TMEM123: variants seen among roughly 807,000 people sequenced by gnomAD.
TMEM123 encodes transmembrane protein 123.
Under a neutral mutation model 19.7 loss-of-function variants are expected in TMEM123, and 16 were observed. That is an observed-to-expected ratio of 0.81 (90% CI 0.55 to 1.23). The LOEUF (loss-of-function observed/expected upper bound fraction) is 1.23, where lower values mean the gene tolerates loss of function less well. Among genes scored for constraint, TMEM123 ranks in the 50% most tolerant of loss-of-function variants. The pLI is 0.00. For missense variants in TMEM123, 313 were observed against 257.8 expected (o/e 1.21, Z -1.47); for synonymous variants, 118 against 99.4 (o/e 1.19, Z -1.12).
chr11:102,445,120 C>T (rs13377311), intron 2 of TMEM123, among the ~76,000 whole-genome samples: 12,194 of 151,946 alleles, frequency 0.08, 647 homozygotes, highest in African/African-American at 0.14. Context: ...TGTATACATA[C>T]GTAACAAATC....
At chr11:102,401,268 A>G (rs1382018867) in intron 4 of TMEM123, among the ~76,000 whole-genome samples, 1 of 152,216 alleles carries the variant, frequency 6.6e-6, no homozygotes, top group Non-Finnish European at 1.5e-5. Flanking sequence ...TGAAAATTTC[A>G]GGGTAGGTTA....
chr11:102,452,648 C>A lies in TMEM123; in HGVS notation c.-25G>T. Reference sequence around the variant, plus strand: ...TTGTTCCGAGGGCAGGATGCGGCAGCCTCGTGGGCTCCCAGCCGAGGTGGC... The same window carrying A: ...TTGTTCCGAGGGCAGGATGCGGCAGACTCGTGGGCTCCCAGCCGAGGTGGC... On this transcript the variant is annotated 5_prime_UTR_variant, in exon 1 of 5. Transcript: ENST00000398136. The A allele has an allele frequency of 6.8e-7, 1 of 1,459,858 alleles. No individual in the cohort carries two copies. The highest frequency in any genetic ancestry group is 9.1e-7 in the Non-Finnish European group (1 of 1,100,552). The allele number at this position is 1,459,858 out of a possible 1,614,324, so 90.4% of individuals were successfully genotyped here. A position where few individuals can be genotyped will look rare whatever the true frequency, so the allele number is the denominator to read the frequency against.
At chr11:102,421,094 A>T (rs1952082290) in intron 2 of TMEM123, among the ~76,000 whole-genome samples, 1 of 152,186 alleles carries the variant, frequency 6.6e-6, no homozygotes, top group Admixed American at 6.5e-5. Flanking sequence ...GACTTTAGGC[A>T]GAAAAATAAC....
At chr11:102,427,473 G>C (rs1239968343) in intron 2 of TMEM123, among the ~76,000 whole-genome samples, 2 of 140,696 alleles carry the variant, frequency 1.4e-5, no homozygotes, top group African/African-American at 5.3e-5. Flanking sequence ...TTTGGAGACA[G>C]AGTCTCACTC....
chr11:102,450,941 C>A (rs1857932119), intron 1 of TMEM123, among the ~76,000 whole-genome samples: 1 of 152,118 alleles, frequency 6.6e-6, no homozygotes. Flanking sequence ...CAGTTACTAG[C>A]TTTTTTGAGA....
At position 102,433,015 on chromosome 11, in the gene TMEM123, C is replaced by A. The variant is rs192680634; in HGVS notation, c.157+15797G>T. ...GTATGGAAATGCCTGGAAGTCCAGG[C>A]AGAAGTTTGCTGCAGGTGTGGAGGC... On this transcript the variant is annotated intron_variant, in intron 2 of 4. Coordinates refer to ENST00000398136, the MANE Select transcript of TMEM123 (RefSeq NM_052932.3). Among the ~76,000 whole-genome samples the A allele has an allele frequency of 7.6e-4, 116 of 152,104 alleles. 3 individuals carry two copies. The highest frequency in any genetic ancestry group is 2.5e-3 in the African/African-American group (104 of 41,532).
chr11:102,411,772 T>C (rs1952007179), intron 2 of TMEM123, among the ~76,000 whole-genome samples: 1 of 152,188 alleles, frequency 6.6e-6, no homozygotes, highest in Non-Finnish European at 1.5e-5. Context: ...TCTTTTCAAA[T>C]GAATTAATTG....
chr11:102,444,811 C>T (rs1331137521), intron 2 of TMEM123, among the ~76,000 whole-genome samples: 9 of 151,920 alleles, frequency 5.9e-5, no homozygotes, highest in Admixed American at 5.9e-4. Context: ...AAATGTGGCA[C>T]ATATACACCA....
intron 2 of TMEM123, among the ~76,000 whole-genome samples, chr11:102,428,701 T>C (rs1389721980): frequency 1.3e-5 from 2 of 152,134 alleles, no homozygotes; most frequent in Non-Finnish European, 2.9e-5. Flanking sequence ...GACAATTACT[T>C]TATAAAGCTA....
intron 2 of TMEM123, chr11:102,448,512 G>T: frequency 2.9e-6 from 1 of 345,878 alleles, no homozygotes; most frequent in Non-Finnish European, 5.6e-6. Context: ...ATATCTACAG[G>T]CAAACTACAA....
chr11:102,417,428 A>C (rs1952051335), intron 2 of TMEM123, among the ~76,000 whole-genome samples: 1 of 152,152 alleles, frequency 6.6e-6, no homozygotes, highest in Non-Finnish European at 1.5e-5. Context: ...CAAACATACA[A>C]ATACCTAGGA....
At position 102,448,978 on chromosome 11, in the gene TMEM123, A is replaced by T. The variant is rs1591569579; in HGVS notation, c.101-110T>A. 13 of 1,044,500 alleles carry T rather than the reference A, an allele frequency of 1.2e-5. No homozygotes were observed. In the East Asian group the frequency reaches 3.2e-4, roughly 25 times the overall value. The allele number at this position is 1,044,500 out of a possible 1,614,324, so 64.7% of individuals were successfully genotyped here. On this transcript the variant is annotated intron_variant, in intron 1 of 4. Transcript: ENST00000398136. ...AGGGGTAGTGGTGTCAGGAGGGTAG[A>T]TTATTCCACAGGAAGTTCTACTTTG... is the stretch of plus-strand genomic sequence containing the variant.
chr11:102,418,701 C>T (rs1490015092), intron 2 of TMEM123, among the ~76,000 whole-genome samples: 1 of 152,196 alleles, frequency 6.6e-6, no homozygotes, highest in Non-Finnish European at 1.5e-5. Context: ...GACACATGCA[C>T]ACATACGTTA....
In TMEM123 at chr11:102,452,556, A is replaced by G. The variant is rs1276772020; in HGVS notation, c.68T>C (p.Leu23Pro). The G allele has an allele frequency of 6.4e-6, 10 of 1,569,464 alleles. No homozygotes were observed. The Admixed American group carries it at 1.4e-4, about 22-fold the overall frequency. The change falls in exon 1 of 5, where the codon CTG becomes CCG. Residue 23 changes from leucine to proline, a missense_variant. Coordinates refer to ENST00000398136, the MANE Select transcript of TMEM123 (RefSeq NM_052932.3). ...GGCTGCGCTTTCATGGGCGGCCCCC[A>G]GCAGCGCTAGCACCTGCAGCGTCCC... Reference protein sequence around the residue: ...LLGTLQVLALLGAAHESAAMA... With the variant: ...LLGTLQVLALPGAAHESAAMA...
chr11:102,451,814 C>G (rs796165738), intron 1 of TMEM123, among the ~76,000 whole-genome samples: 1 of 152,206 alleles, frequency 6.6e-6, no homozygotes, highest in African/African-American at 2.4e-5. Flanking sequence ...TTACTAGCGA[C>G]GACAAGGGCC....
chr11:102,440,405 TAAAGA>T (rs922029255), intron 2 of TMEM123, among the ~76,000 whole-genome samples: 9 of 152,242 alleles, frequency 5.9e-5, no homozygotes, highest in Admixed American at 2.0e-4. Context: ...TCAACATTCT[TAAAGA>T]AAAGAATTTT....
At chr11:102,446,191 A>T (rs1857881821) in intron 2 of TMEM123, among the ~76,000 whole-genome samples, 1 of 152,220 alleles carries the variant, frequency 6.6e-6, no homozygotes, top group Non-Finnish European at 1.5e-5. Flanking sequence ...TATGAAAAAT[A>T]ATCTGGGCAT....
At chr11:102,419,870 G>A (rs2186990) in intron 2 of TMEM123, among the ~76,000 whole-genome samples, 72,106 of 151,592 alleles carry the variant, frequency 0.48, 18,338 homozygotes, top group East Asian at 0.73. Context: ...GCTTGGAATG[G>A]CTTTTATGGA....
chr11:102,411,689 A>AG (rs1001825979), intron 2 of TMEM123, among the ~76,000 whole-genome samples: 3 of 152,122 alleles, frequency 2.0e-5, no homozygotes, highest in African/African-American at 7.2e-5. Flanking sequence ...GGTGGGAAAA[A>AG]AAAAAAACAC....
Sources: allele counts gnomAD v4.1 joint callset (sites outside exome capture counted in the v4.1 genomes callset), GRCh38; gene constraint gnomAD v4.1.1; transcripts MANE v1.5; gene names NCBI Gene and HGNC (gene_info 2026-07-23, HGNC 2026-07-21).